The following TNIP3 variants were observed in gnomAD, a reference collection of about 807,000 sequenced individuals.
The protein encoded by TNIP3 is TNFAIP3 interacting protein 3, also known as TNFAIP3-interacting protein 3.
A neutral mutation model predicts 54.1 loss-of-function variants in TNIP3; 34 were observed. That is an observed-to-expected ratio of 0.63 (90% CI 0.48 to 0.84). The LOEUF is 0.84. Among genes scored for constraint, TNIP3 ranks in the 40% least tolerant of loss-of-function variants. The pLI is 0.00. For synonymous variants in TNIP3, 134 were observed against 136.8 expected (o/e 0.98, Z 0.14); for missense variants, 366 against 387.6 (o/e 0.94, Z 0.47).
At chr4:121,206,894 C>T (rs1218267944) in intron 2 of TNIP3, among the ~76,000 whole-genome samples, 1 of 152,016 alleles carries the variant, frequency 6.6e-6, no homozygotes, top group Non-Finnish European at 1.5e-5. Flanking sequence ...GCACTAAGCT[C>T]CTGAGGGTAC....
chr4:121,180,083 G>A (rs1724591114), intron 3 of TNIP3, among the ~76,000 whole-genome samples: 1 of 151,914 alleles, frequency 6.6e-6, no homozygotes, highest in Admixed American at 6.6e-5. Flanking sequence ...GGGGAGGGGT[G>A]GTGAGGGTGT....
chr4:121,143,853 GCACAT>G (rs1729270466), intron 7 of TNIP3, among the ~76,000 whole-genome samples: 1 of 152,032 alleles, frequency 6.6e-6, no homozygotes, highest in Admixed American at 6.6e-5. Flanking sequence ...TCTCTATAAG[GCACAT>G]CACATCCTTC....
intron 1 of TNIP3, among the ~76,000 whole-genome samples, chr4:121,224,840 T>G (rs56067151): frequency 0.6 from 91,529 of 151,866 alleles, 28,003 homozygotes; most frequent in South Asian, 0.76. Context: ...TGAACACCTT[T>G]CTAAGTAAAG....
chr4:121,146,028 T>TA (rs1475202087), intron 7 of TNIP3, among the ~76,000 whole-genome samples: 2 of 151,900 alleles, frequency 1.3e-5, no homozygotes, highest in African/African-American at 2.4e-5. Context: ...TCTTTTTTTT[T>TA]ACCAAGAGTA....
chr4:121,168,377 T>C (rs1176929338), upstream of TNIP3, among the ~76,000 whole-genome samples: 1 of 152,028 alleles, frequency 6.6e-6, no homozygotes, highest in East Asian at 1.9e-4. Flanking sequence ...TGGCTAATTT[T>C]TTTTGTAGAG....
intron 2 of TNIP3, among the ~76,000 whole-genome samples, chr4:121,194,847 T>C (rs1322455805): frequency 1.7e-5 from 2 of 120,560 alleles, no homozygotes; most frequent in Admixed American, 7.3e-5. Flanking sequence ...CCATGAACAA[T>C]AGAAAAAAAA....
chr4:121,176,889 C>G (rs1020476766), intron 3 of TNIP3, among the ~76,000 whole-genome samples: 1 of 152,126 alleles, frequency 6.6e-6, no homozygotes, highest in African/African-American at 2.4e-5. Context: ...AACTTGTCCC[C>G]AGCCACTGGG....
At chr4:121,171,819 C>T (rs1723976680) in intron 3 of TNIP3, among the ~76,000 whole-genome samples, 1 of 152,186 alleles carries the variant, frequency 6.6e-6, no homozygotes, top group Non-Finnish European at 1.5e-5. Flanking sequence ...CAACCTCTGC[C>T]TCCTGGGTTC....
intron 5 of TNIP3, among the ~76,000 whole-genome samples, chr4:121,152,302 T>C (rs1379403293): frequency 6.6e-6 from 1 of 152,150 alleles, no homozygotes; most frequent in African/African-American, 2.4e-5. Context: ...CATTGTAAAA[T>C]AGAAGAACAA....
At chr4:121,227,459 A>G (rs1727306640) in exon 1 of TNIP3, 7 of 1,359,884 alleles carry the variant, frequency 5.1e-6, no homozygotes, top group East Asian at 2.5e-5. Flanking sequence ...CCTGTCTTTA[A>G]GACTCTTTGA....
chr4:121,157,067 G>C (rs768381713), intron 4 of TNIP3, 27 bp downstream of exon 4: 1 of 1,612,504 alleles, frequency 6.2e-7, no homozygotes, highest in Non-Finnish European at 8.5e-7. Context: ...TGGATCCTCC[G>C]GGCTCGAGGA....
intron 8 of TNIP3, 72 bp downstream of exon 8, chr4:121,142,654 T>C (rs977580145): frequency 4.4e-6 from 6 of 1,371,938 alleles, no homozygotes; most frequent in Admixed American, 1.7e-5. Flanking sequence ...AGCTTGAACA[T>C]GTCTTTAATT....
intron 10 of TNIP3, chr4:121,136,538 A>G (rs954927723): frequency 6.6e-6 from 1 of 152,086 alleles, no homozygotes; most frequent in African/African-American, 2.4e-5. Flanking sequence ...TTTGTTGTGA[A>G]GATTGAAATA....
intron 8 of TNIP3, 78 bp from the exon 9 acceptor site, chr4:121,141,992 G>A (rs1251199447): frequency 3.1e-6 from 3 of 966,934 alleles, no homozygotes; most frequent in Non-Finnish European, 4.4e-6. Context: ...TATACAAAAG[G>A]TTTGGTTTCA....
intron 10 of TNIP3, among the ~76,000 whole-genome samples, chr4:121,135,604 G>T (rs1199261220): frequency 6.6e-6 from 1 of 152,042 alleles, no homozygotes; most frequent in African/African-American, 2.4e-5. Flanking sequence ...TCACCATGTT[G>T]CCCAGGCTGG....
At chr4:121,159,504 G>A (rs572696331) in intron 2 of TNIP3, among the ~76,000 whole-genome samples, 10 of 152,232 alleles carry the variant, frequency 6.6e-5, no homozygotes, top group African/African-American at 2.4e-4. Context: ...TGATTATAAT[G>A]AAATATTTTT....
intron 1 of TNIP3, among the ~76,000 whole-genome samples, chr4:121,161,720 TAC>T (rs1730466920): frequency 6.6e-6 from 1 of 152,178 alleles, no homozygotes; most frequent in Non-Finnish European, 1.5e-5. Flanking sequence ...GACAAACACA[TAC>T]AGCCATTACT....
chr4:121,137,867 T>G, intron 10 of TNIP3: 1 of 449,396 alleles, frequency 2.2e-6, no homozygotes, highest in Non-Finnish European at 4.5e-6. Flanking sequence ...CATATGAGAC[T>G]TTAAACATGT....
intron 1 of TNIP3, among the ~76,000 whole-genome samples, chr4:121,222,216 T>C (rs1313514692): frequency 6.6e-6 from 1 of 152,188 alleles, no homozygotes; most frequent in Admixed American, 6.6e-5. Flanking sequence ...GAGGACCTAG[T>C]TTTCCATAGA....
Sources: gnomAD v4.1 joint callset for allele counts (sites outside exome capture counted in the v4.1 genomes callset) on GRCh38, gnomAD v4.1.1 for gene constraint, MANE v1.5 for transcripts, NCBI Gene and HGNC (gene_info 2026-07-23, HGNC 2026-07-21) for gene names.